LSP1: variants seen among roughly 807,000 people sequenced by gnomAD.
LSP1 encodes lymphocyte specific protein 1.
In LSP1, 32 loss-of-function variants were observed where a neutral mutation model predicts 49.3. The ratio of observed to expected loss-of-function variants is 0.65; its 90% CI spans 0.49 to 0.87. The LOEUF (loss-of-function observed/expected upper bound fraction) is 0.87. Ranked by LOEUF, LSP1 falls within the 40% of genes least tolerant of loss-of-function variation. The probability of loss-of-function intolerance (pLI) is 0.00; values close to 1 mark genes in which losing one functional copy is unlikely to be tolerated. For synonymous variants in LSP1, 179 were observed against 178.8 expected (o/e 1.00, Z -0.01); for missense variants, 428 against 442.6 (o/e 0.97, Z 0.30).
intron 1 of LSP1, among the ~76,000 whole-genome samples, chr11:1,858,656 G>C (rs1847548255): frequency 6.6e-6 from 1 of 152,208 alleles, no homozygotes; most frequent in Admixed American, 6.5e-5. Context: ...GGGCTGGAGA[G>C]GCTCGGCCAG....
intron 3 of LSP1, among the ~76,000 whole-genome samples, chr11:1,882,683 T>C (rs950331084): frequency 2.0e-5 from 3 of 152,144 alleles, no homozygotes; most frequent in African/African-American, 7.2e-5. Flanking sequence ...CCCCTGCACC[T>C]GCCTGGCTGC....
intron 1 of LSP1, among the ~76,000 whole-genome samples, chr11:1,872,104 T>C (rs1383531833): frequency 0.022 from 1,531 of 68,836 alleles, no homozygotes; most frequent in Middle Eastern, 0.057. Flanking sequence ...GCGTGGGCAC[T>C]TTTGGGAGGG....
chr11:1,874,231 A>G (rs1479251288), intron 1 of LSP1, among the ~76,000 whole-genome samples: 4 of 34,752 alleles, frequency 1.2e-4, no homozygotes, highest in African/African-American at 2.8e-4. Context: ...GGGGACAGTG[A>G]GGGCAGGCCG....
intron 1 of LSP1, among the ~76,000 whole-genome samples, chr11:1,854,281 C>T (rs9633910): frequency 0.25 from 37,657 of 152,014 alleles, 4,920 homozygotes; most frequent in East Asian, 0.46. Context: ...CCACACAGGA[C>T]GGACCTGAGA....
rs1176970365 is a variant in LSP1, at chr11:1,873,803, CAGGGAGCCCAGCAGAGG to C, written c.54-6277_54-6261del. Among the ~76,000 whole-genome samples, 533 of 145,892 alleles carry C rather than the reference CAGGGAGCCCAGCAGAGG, an allele frequency of 3.7e-3. 25 individuals are homozygous for C. Among genetic ancestry groups the C allele is most frequent in the African/African-American group, 0.012 (453 of 38,268 alleles). Reference sequence around the variant, plus strand: ...GCCATCAGGGTGGCAACCAGAAGAGCAGGGAGCCCAGCAGAGGAGGGAGGCCGGCAGAGGAGGGAGGC... The same window carrying C: ...GCCATCAGGGTGGCAACCAGAAGAGCAGGGAGGCCGGCAGAGGAGGGAGGC... On this transcript the variant is annotated intron_variant, in intron 1 of 10. Transcript: ENST00000311604.
At chr11:1,866,005 T>A (rs141750074) in intron 1 of LSP1, among the ~76,000 whole-genome samples, 88 of 152,186 alleles carry the variant, frequency 5.8e-4, no homozygotes, top group Admixed American at 2.0e-3. Flanking sequence ...AAAGTAGTGG[T>A]GTGGCCCTTC....
chr11:1,877,237 A>C (rs1263667341), intron 1 of LSP1, among the ~76,000 whole-genome samples: 2 of 151,902 alleles, frequency 1.3e-5, no homozygotes, highest in Non-Finnish European at 2.9e-5. Flanking sequence ...CCAGCTGTGG[A>C]ATAGTGAGGG....
chr11:1,865,456 T>C lies in LSP1; in HGVS notation c.53+12259T>C, dbSNP rs531342190. Among the ~76,000 whole-genome samples the C allele has an allele frequency of 2.0e-5, 3 of 151,838 alleles. No homozygotes were observed. The South Asian group carries it at 6.3e-4, about 32-fold the overall frequency. ...GGAGGCTGCTTGAGGCCTCTCTTCC[T>C]CCTGGCTCCTGGCAGCTGCCCATGC... is the stretch of plus-strand genomic sequence containing the variant. On this transcript the variant is annotated intron_variant, in intron 1 of 10. Transcript: ENST00000311604.
intron 1 of LSP1, among the ~76,000 whole-genome samples, chr11:1,872,384 A>G (rs1327649406): frequency 7.4e-6 from 1 of 134,386 alleles, no homozygotes; most frequent in African/African-American, 2.8e-5. Context: ...TGGCGTGGGC[A>G]CCTTTGGGAC....
intron 1 of LSP1, among the ~76,000 whole-genome samples, chr11:1,855,692 C>T (rs1208550379): frequency 6.6e-6 from 1 of 152,244 alleles, no homozygotes; most frequent in African/African-American, 2.4e-5. Flanking sequence ...TTCCTCCACT[C>T]GGGGGCACTC....
chr11:1,869,837 T>C, intron 1 of LSP1: 1 of 466,516 alleles, frequency 2.1e-6, no homozygotes, highest in Non-Finnish European at 4.4e-6. Context: ...GAGAAATGAA[T>C]TTCTGCACCC....
chr11:1,861,186 A>G (rs961798947), intron 1 of LSP1, among the ~76,000 whole-genome samples: 2 of 152,228 alleles, frequency 1.3e-5, no homozygotes, highest in African/African-American at 2.4e-5. Context: ...GCTTTCATAT[A>G]TAAAGACCCA....
rs927106271 is a variant in LSP1 at position 1,871,074 on chromosome 11, G to C, written c.54-9013G>C. ...GGTGAGAGCTGCGGCGGAGGACGCT[G>C]ATCGCGGAGTGCAGGCGAGGGCCCC... On this transcript the variant is annotated intron_variant, in intron 1 of 10. Transcript: ENST00000311604. 69 of 985,478 alleles carry C rather than the reference G, an allele frequency of 7.0e-5. 1 individual carries two copies. In the Middle Eastern group the frequency reaches 1.5e-3, roughly 22 times the overall value. 61.0% of individuals were successfully genotyped at this position (985,478 alleles called of 1,614,324 possible).
intron 10 of LSP1, chr11:1,888,680 C>T (rs555408062): frequency 3.5e-4 from 55 of 155,238 alleles, no homozygotes; most frequent in Non-Finnish European, 5.8e-4. Flanking sequence ...CTGCTCCTGA[C>T]GCCGATGGCC....
intron 8 of LSP1, 68 bp downstream of exon 8, chr11:1,886,934 G>A: frequency 6.4e-7 from 1 of 1,559,866 alleles, no homozygotes; most frequent in East Asian, 2.3e-5. Context: ...AGCAGGCCGG[G>A]TTTCCTTGTT....
intron 4 of LSP1, 78 bp downstream of exon 4, chr11:1,883,638 G>A (rs1848640657): frequency 6.7e-7 from 1 of 1,503,588 alleles, no homozygotes; most frequent in South Asian, 1.3e-5. Context: ...GCACCACTCT[G>A]TGGGCCCTGT....
In LSP1 at chr11:1,880,472, C is replaced by T. The variant is rs1401242662; in HGVS notation, c.191+248C>T. ...CTGACCCAGGCTCTGTGTCCGTGCC[C>T]TGGCCCTTGCTCGGACCGCCTCTGA... On this transcript the variant is annotated intron_variant, in intron 2 of 10. Coordinates refer to ENST00000311604, the MANE Select transcript of LSP1 (RefSeq NM_002339.3). Among the ~76,000 whole-genome samples the T allele has an allele frequency of 5.9e-5, 9 of 152,218 alleles. No homozygotes were observed. In the South Asian group the frequency reaches 1.2e-3, roughly 21 times the overall value.
chr11:1,854,503 T>C (rs1417788308), intron 1 of LSP1, among the ~76,000 whole-genome samples: 2 of 152,066 alleles, frequency 1.3e-5, no homozygotes, highest in African/African-American at 4.8e-5. Flanking sequence ...TTGCTGTGGG[T>C]CTGGTATGTG....
intron 1 of LSP1, among the ~76,000 whole-genome samples, chr11:1,855,259 C>A (rs879417086): frequency 6.6e-6 from 1 of 152,168 alleles, no homozygotes; most frequent in Admixed American, 6.5e-5. Context: ...TCCCCTGCAC[C>A]CAGGCAGGGA....
Sources: allele counts gnomAD v4.1 joint callset (sites outside exome capture counted in the v4.1 genomes callset), GRCh38; gene constraint gnomAD v4.1.1; transcripts MANE v1.5; gene names NCBI Gene and HGNC (gene_info 2026-07-23, HGNC 2026-07-21).